The following GTF2F2 variants were observed in gnomAD, a reference collection of about 807,000 sequenced individuals.
The protein encoded by GTF2F2 is ATP-dependent helicase GTF2F2.
Under a neutral mutation model 42.2 loss-of-function variants are expected in GTF2F2, and 23 were observed. The ratio of observed to expected loss-of-function variants is 0.55; its 90% CI spans 0.39 to 0.77. The LOEUF (loss-of-function observed/expected upper bound fraction) is 0.77, where lower values mean the gene tolerates loss of function less well. Ranked by LOEUF, GTF2F2 falls within the 30% of genes least tolerant of loss-of-function variation. The pLI is 0.00. For synonymous variants in GTF2F2, 105 were observed against 100.8 expected (o/e 1.04, Z -0.25); for missense variants, 261 against 287.2 (o/e 0.91, Z 0.66).
intron 5 of GTF2F2, among the ~76,000 whole-genome samples, chr13:45,237,990 G>A (rs1286387972): frequency 6.6e-6 from 1 of 152,130 alleles, no homozygotes; most frequent in Non-Finnish European, 1.5e-5. Flanking sequence ...GTCTCACTCT[G>A]TAGCCCAGGC....
intron 5 of GTF2F2, among the ~76,000 whole-genome samples, chr13:45,236,454 T>C (rs1035015526): frequency 1.3e-5 from 2 of 151,466 alleles, no homozygotes; most frequent in Admixed American, 1.3e-4. Flanking sequence ...GATTGCTAAG[T>C]GCTCTCTAAA....
intron 6 of GTF2F2, among the ~76,000 whole-genome samples, chr13:45,260,277 T>C (rs1876282495): frequency 6.6e-6 from 1 of 152,242 alleles, no homozygotes; most frequent in Admixed American, 6.5e-5. Context: ...TTTGTAGGAC[T>C]ATATCATGAG....
intron 4 of GTF2F2, among the ~76,000 whole-genome samples, chr13:45,197,159 A>G (rs1301733386): frequency 6.6e-6 from 1 of 151,774 alleles, no homozygotes; most frequent in Non-Finnish European, 1.5e-5. Flanking sequence ...ATACAAATCC[A>G]TAGGACTTTT....
At chr13:45,139,177 A>C (rs1869787276) in intron 2 of GTF2F2, among the ~76,000 whole-genome samples, 1 of 152,192 alleles carries the variant, frequency 6.6e-6, no homozygotes, top group Non-Finnish European at 1.5e-5. Context: ...AAAACTAGTG[A>C]AATGTAGGAT....
intron 7 of GTF2F2, among the ~76,000 whole-genome samples, chr13:45,277,293 A>T (rs964328614): frequency 1.3e-5 from 2 of 152,202 alleles, no homozygotes; most frequent in African/African-American, 2.4e-5. Flanking sequence ...GGGAAGTATG[A>T]TGCTGGCATC....
At position 45,267,244 on chromosome 13, in the gene GTF2F2, A is replaced by C; in HGVS notation, c.498A>C (p.Glu166Asp). The C allele has an allele frequency of 6.2e-7, 1 of 1,612,770 alleles. No homozygotes were observed. Among genetic ancestry groups the C allele is most frequent in the Non-Finnish European group, 8.5e-7 (1 of 1,179,206 alleles). Residue 166 changes from glutamate to aspartate, a missense_variant, in exon 7 of 8, where the codon GAA (glutamate) becomes GAC (aspartate). Coordinates refer to ENST00000340473, the MANE Select transcript of GTF2F2 (RefSeq NM_004128.3). ...CTGTTTGCATATAGATCGAATATGA[A>C]AGGAAAAAGAAAGAAGACGGAAAGC... Reference protein sequence around the residue: ...VANHQYNIEYERKKKEDGKRA... With the variant: ...VANHQYNIEYDRKKKEDGKRA...
chr13:45,282,205 A>G (rs1877296542), intron 7 of GTF2F2, among the ~76,000 whole-genome samples: 1 of 151,638 alleles, frequency 6.6e-6, no homozygotes, highest in African/African-American at 2.4e-5. Flanking sequence ...TCTCAAAATA[A>G]TAATGATAAT....
At chr13:45,266,513 A>C (rs934133244) in intron 6 of GTF2F2, among the ~76,000 whole-genome samples, 1 of 152,172 alleles carries the variant, frequency 6.6e-6, no homozygotes, top group Non-Finnish European at 1.5e-5. Flanking sequence ...CAAGAACCCC[A>C]CATTTGAAAG....
At chr13:45,168,077 A>G (rs535032063) in intron 4 of GTF2F2, among the ~76,000 whole-genome samples, 2 of 152,332 alleles carry the variant, frequency 1.3e-5, no homozygotes, top group South Asian at 4.1e-4. Context: ...TGAGAGAAAG[A>G]TCTGTACCGT....
intron 5 of GTF2F2, among the ~76,000 whole-genome samples, chr13:45,251,040 G>A (rs542523439): frequency 2.0e-5 from 3 of 152,114 alleles, no homozygotes; most frequent in Non-Finnish European, 2.9e-5. Context: ...ATATGTAACT[G>A]GAATAATTTA....
chr13:45,231,489 GGA>G (rs1204936358), intron 5 of GTF2F2, among the ~76,000 whole-genome samples: 2 of 152,122 alleles, frequency 1.3e-5, no homozygotes, highest in South Asian at 2.1e-4. Context: ...TCCTCTCAAT[GGA>G]GAGAGAGAGA....
At chr13:45,227,540 T>A (rs981732614) in intron 5 of GTF2F2, among the ~76,000 whole-genome samples, 1 of 152,224 alleles carries the variant, frequency 6.6e-6, no homozygotes, top group Non-Finnish European at 1.5e-5. Context: ...AAAACTTTTT[T>A]AAAAAACAAA....
At chr13:45,213,083 CTTA>C (rs1873758754) in intron 5 of GTF2F2, among the ~76,000 whole-genome samples, 1 of 146,656 alleles carries the variant, frequency 6.8e-6, no homozygotes, top group African/African-American at 2.5e-5. Flanking sequence ...TATTCTTCTT[CTTA>C]TTATTTTTTT....
intron 5 of GTF2F2, among the ~76,000 whole-genome samples, chr13:45,247,990 G>T (rs907891866): frequency 6.6e-6 from 1 of 151,934 alleles, no homozygotes; most frequent in African/African-American, 2.4e-5. Context: ...GATTACAGGC[G>T]TGCATCACCA....
At chr13:45,270,504 C>T (rs9595283) in intron 7 of GTF2F2, among the ~76,000 whole-genome samples, 52,307 of 151,912 alleles carry the variant, frequency 0.34, 11,943 homozygotes, top group African/African-American at 0.65. Flanking sequence ...CTCTTCCTCT[C>T]CCTCTTTTTA....
Position 45,141,238 on chromosome 13 carries a change from A to G in GTF2F2, c.140+4432A>G, listed in dbSNP as rs939162930. On this transcript the variant is annotated intron_variant, in intron 2 of 7. Transcript: ENST00000340473. ...GAAACCCATGTAAATCTCAAGTACC[A>G]CTTTGATCACTAAAGTAAAATATTA... Among the ~76,000 whole-genome samples, 4 of 152,358 alleles carry G rather than the reference A, an allele frequency of 2.6e-5. No homozygotes were observed. In the South Asian group the frequency reaches 6.2e-4, roughly 24 times the overall value.
intron 1 of GTF2F2, among the ~76,000 whole-genome samples, chr13:45,134,255 A>G (rs550868789): frequency 1.3e-5 from 2 of 152,256 alleles, no homozygotes; most frequent in African/African-American, 2.4e-5. Flanking sequence ...GAAGTATCTC[A>G]TCTCTGGGCA....
chr13:45,197,338 A>T (rs1872946684), intron 4 of GTF2F2, among the ~76,000 whole-genome samples: 1 of 132,628 alleles, frequency 7.5e-6, no homozygotes. Flanking sequence ...GTCTACCAAA[A>T]ATTAAAAAAA....
rs763206968 is a variant in GTF2F2 at position 45,151,715 on chromosome 13, C to G, written c.188C>G (p.Ala63Gly). 2 of 1,606,194 alleles carry G rather than the reference C, an allele frequency of 1.2e-6. No individual in the cohort carries two copies. The highest frequency in any genetic ancestry group is 3.4e-5 in the Admixed American group (2 of 59,634). ...TCATTTACTTTGAATGAGGATCTTGCAAATATTCATGATATTGGTGGAAAA... is the reference window on the plus strand; with the variant it reads ...TCATTTACTTTGAATGAGGATCTTGGAAATATTCATGATATTGGTGGAAAA... ...EVSFTLNEDL[A>G]NIHDIGGKPA... The change falls in exon 4 of 8, where the codon GCA (alanine) becomes GGA (glycine). Residue 63 changes from alanine to glycine, a missense_variant. By Grantham distance (60) the Ala-to-Gly change is moderately conservative. Transcript: ENST00000340473.
Sources: allele counts gnomAD v4.1 joint callset (sites outside exome capture counted in the v4.1 genomes callset), GRCh38; gene constraint gnomAD v4.1.1; transcripts MANE v1.5; gene names NCBI Gene and HGNC (gene_info 2026-07-23, HGNC 2026-07-21).